FUT8: variants seen among roughly 807,000 people sequenced by gnomAD.
FUT8 encodes alpha-(1,6)-fucosyltransferase.
FUT8 carries 29 observed loss-of-function variants against 71.3 expected under a neutral mutation model. The ratio of observed to expected loss-of-function variants is 0.41; its 90% CI spans 0.30 to 0.55. FUT8 has a LOEUF of 0.55. Among genes scored for constraint, FUT8 ranks in the 20% least tolerant of loss-of-function variants. The pLI is 0.34. For missense variants in FUT8, 544 were observed against 702.1 expected (o/e 0.77, Z 2.55); for synonymous variants, 254 against 239.3 (o/e 1.06, Z -0.57).
intron 2 of FUT8, among the ~76,000 whole-genome samples, chr14:65,520,482 C>T (rs12437427): frequency 0.12 from 18,679 of 152,080 alleles, 1,435 homozygotes; most frequent in East Asian, 0.34. Flanking sequence ...TAAATTATTA[C>T]TACCTATTTT....
chr14:65,571,222 G>A (rs1328550245), intron 3 of FUT8, among the ~76,000 whole-genome samples: 2 of 152,114 alleles, frequency 1.3e-5, no homozygotes, highest in African/African-American at 4.8e-5. Context: ...AACCTGTTAG[G>A]AGAAAGACCA....
At chr14:65,602,973 C>T (rs1356148052) in intron 3 of FUT8, among the ~76,000 whole-genome samples, 1 of 151,734 alleles carries the variant, frequency 6.6e-6, no homozygotes, top group Non-Finnish European at 1.5e-5. Context: ...GCTGACTGTT[C>T]CTTTTGCTGT....
chr14:65,384,969 G>A, the FUT8 span, among the ~76,000 whole-genome samples: 22 of 150,408 alleles, frequency 1.5e-4, no homozygotes, highest in Non-Finnish European at 2.4e-4. This position sits in a 1 kb window ranked among gnomAD's most constrained non-coding sequence, Gnocchi z 4.2. Flanking sequence ...TCAGCTCACC[G>A]CAACCTCCAC....
At chr14:65,672,550 C>T (rs1892523040) in intron 7 of FUT8, among the ~76,000 whole-genome samples, 1 of 152,188 alleles carries the variant, frequency 6.6e-6, no homozygotes, top group Non-Finnish European at 1.5e-5. Flanking sequence ...GCCTCGAACT[C>T]CTGGGCTTAA....
chr14:65,629,855 C>T (rs1890093714), intron 6 of FUT8, among the ~76,000 whole-genome samples: 1 of 148,674 alleles, frequency 6.7e-6, no homozygotes, highest in Non-Finnish European at 1.5e-5. Flanking sequence ...CACACACACA[C>T]ACAATACAAT....
chr14:65,686,263 G>A (rs1160041972), intron 7 of FUT8, among the ~76,000 whole-genome samples: 1 of 152,154 alleles, frequency 6.6e-6, no homozygotes, highest in Non-Finnish European at 1.5e-5. Flanking sequence ...CTTTAAGTTT[G>A]CCTCTGGTGC....
At chr14:65,511,148 A>C (rs1378533417) in intron 2 of FUT8, among the ~76,000 whole-genome samples, 4 of 151,984 alleles carry the variant, frequency 2.6e-5, no homozygotes, top group African/African-American at 9.7e-5. Context: ...TTTTCTTCTT[A>C]ATTTCTTCAT....
chr14:65,543,351 T>A (rs1252740124), intron 2 of FUT8, among the ~76,000 whole-genome samples: 2 of 152,170 alleles, frequency 1.3e-5, no homozygotes, highest in African/African-American at 4.8e-5. Context: ...AATATAGGTA[T>A]TAAATAAATA....
At chr14:65,633,885 A>T (rs79556464) in intron 6 of FUT8, among the ~76,000 whole-genome samples, 1 of 151,252 alleles carries the variant, frequency 6.6e-6, no homozygotes, top group Non-Finnish European at 1.5e-5. Context: ...TGCCCTGTCC[A>T]GGAGGGAGGT....
At chr14:65,622,870 G>C (rs1167183578) in intron 5 of FUT8, among the ~76,000 whole-genome samples, 1 of 150,304 alleles carries the variant, frequency 6.7e-6, no homozygotes, top group East Asian at 1.9e-4. Flanking sequence ...CTTCTTGCCT[G>C]GATTCCATCT....
At chr14:65,526,791 G>T (rs1476416866) in intron 2 of FUT8, among the ~76,000 whole-genome samples, 1 of 152,280 alleles carries the variant, frequency 6.6e-6, no homozygotes, top group South Asian at 2.1e-4. Flanking sequence ...TTGCTTGTCT[G>T]TAAAGGATTT....
intron 2 of FUT8, among the ~76,000 whole-genome samples, chr14:65,517,262 A>G (rs1404183985): frequency 1.3e-5 from 2 of 152,110 alleles, no homozygotes; most frequent in Non-Finnish European, 2.9e-5. Context: ...TTTTACTTAA[A>G]CGAGCTAAAT....
At chr14:65,564,359 G>A (rs1003415015) in intron 3 of FUT8, among the ~76,000 whole-genome samples, 1 of 152,028 alleles carries the variant, frequency 6.6e-6, no homozygotes, top group Non-Finnish European at 1.5e-5. Flanking sequence ...AGATTTTCTA[G>A]ATTCAAGTCA....
intron 2 of FUT8, among the ~76,000 whole-genome samples, chr14:65,475,976 T>C (rs1258020785): frequency 6.6e-6 from 1 of 152,116 alleles, no homozygotes; most frequent in Non-Finnish European, 1.5e-5. Context: ...AGCTTGGTGC[T>C]TAATGGGTGC....
chr14:65,371,234 G>A, the FUT8 span, among the ~76,000 whole-genome samples: 1 of 152,188 alleles, frequency 6.6e-6, no homozygotes, highest in Non-Finnish European at 1.5e-5. Context: ...CTTTCACAGT[G>A]TACAGAACTT....
chr14:65,645,520 T>C (rs1322260139), intron 6 of FUT8, among the ~76,000 whole-genome samples: 1 of 152,236 alleles, frequency 6.6e-6, no homozygotes, highest in Non-Finnish European at 1.5e-5. Context: ...TTTTAAATTA[T>C]TGATATTTGT....
intron 2 of FUT8, among the ~76,000 whole-genome samples, chr14:65,545,323 A>G (rs536338703): frequency 6.6e-6 from 1 of 152,122 alleles, no homozygotes; most frequent in Admixed American, 6.5e-5. Context: ...GCACATATTA[A>G]TCCTGAATAG....
chr14:65,617,030 A>T, intron 5 of FUT8: 3 of 1,530,762 alleles, frequency 2.0e-6, no homozygotes, highest in Non-Finnish European at 2.6e-6. Flanking sequence ...GAAAATCATT[A>T]TAAATACAGT....
At chr14:65,420,556 C>T (rs767331128) in intron 1 of FUT8, among the ~76,000 whole-genome samples, 4 of 151,838 alleles carry the variant, frequency 2.6e-5, no homozygotes, top group Non-Finnish European at 4.4e-5. Flanking sequence ...TAGTACCTAT[C>T]GTTTGCTGTT....
Sources: allele counts gnomAD v4.1 joint callset (sites outside exome capture counted in the v4.1 genomes callset), GRCh38; gene constraint gnomAD v4.1.1; non-coding constraint Gnocchi (gnomAD v3.1); transcripts MANE v1.5; gene names NCBI Gene and HGNC (gene_info 2026-07-23, HGNC 2026-07-21).